The following CDIN1 variants were observed in gnomAD, a reference collection of about 807,000 sequenced individuals.
CDIN1 encodes CDAN1 interacting nuclease 1, also known as CDAN1-interacting nuclease 1.
A neutral mutation model predicts 45.3 loss-of-function variants in CDIN1; 33 were observed. The ratio of observed to expected loss-of-function variants is 0.73; its 90% CI spans 0.55 to 0.97. The LOEUF (loss-of-function observed/expected upper bound fraction) is 0.97, where lower values mean the gene tolerates loss of function less well. Among genes scored for constraint, CDIN1 ranks in the 50% least tolerant of loss-of-function variants. The pLI is 0.00. For synonymous variants in CDIN1, 118 were observed against 124.4 expected, an observed-to-expected ratio of 0.95 and a Z score of 0.34; for missense variants, 303 against 339.4, an observed-to-expected ratio of 0.89 and a Z score of 0.84.
intron 10 of CDIN1, among the ~76,000 whole-genome samples, chr15:36,774,801 A>G (rs921021252): frequency 6.6e-6 from 1 of 152,204 alleles, no homozygotes; most frequent in Non-Finnish European, 1.5e-5. Context: ...AAGAAAATAA[A>G]TCTGTCGCAT....
chr15:36,674,236 A>G (rs1270655662), intron 5 of CDIN1, among the ~76,000 whole-genome samples: 1 of 152,164 alleles, frequency 6.6e-6, no homozygotes, highest in Non-Finnish European at 1.5e-5. Flanking sequence ...TACAGCTGTG[A>G]TGAATGAGCA....
At chr15:36,689,700 C>G (rs1272426912) in intron 5 of CDIN1, among the ~76,000 whole-genome samples, 1 of 152,124 alleles carries the variant, frequency 6.6e-6, no homozygotes, top group Non-Finnish European at 1.5e-5. Context: ...AATACTATTG[C>G]TGCTGTAATC....
At chr15:36,738,039 C>T (rs977832488) in intron 10 of CDIN1, among the ~76,000 whole-genome samples, 1 of 152,162 alleles carries the variant, frequency 6.6e-6, no homozygotes, top group Non-Finnish European at 1.5e-5. Context: ...CGTAACCATT[C>T]CTTCTCAATC....
intron 1 of CDIN1, among the ~76,000 whole-genome samples, chr15:36,587,185 A>G (rs1317359319): frequency 6.6e-6 from 1 of 151,958 alleles, no homozygotes; most frequent in Non-Finnish European, 1.5e-5. Context: ...TGTTTTCCAC[A>G]TTTTGAAGCA....
chr15:36,688,174 A>C (rs964006759), intron 5 of CDIN1, among the ~76,000 whole-genome samples: 1 of 152,102 alleles, frequency 6.6e-6, no homozygotes, highest in Non-Finnish European at 1.5e-5. Context: ...AAGAAATGGT[A>C]CAGTAAAGAG....
chr15:36,613,384 G>A, intron 1 of CDIN1: 1 of 948,466 alleles, frequency 1.1e-6, no homozygotes. Context: ...AGGATTCCTT[G>A]TCTTAAGAAC....
chr15:36,725,542 G>A (rs150707932), intron 10 of CDIN1, among the ~76,000 whole-genome samples: 1,787 of 152,190 alleles, frequency 0.012, 29 homozygotes, highest in Middle Eastern at 0.041. Flanking sequence ...TCAGAAGTTT[G>A]AGGATTACTT....
intron 10 of CDIN1, among the ~76,000 whole-genome samples, chr15:36,740,084 T>C (rs2044176641): frequency 6.6e-6 from 1 of 152,218 alleles, no homozygotes; most frequent in Admixed American, 6.5e-5. Flanking sequence ...GGTTGAATAA[T>C]TTTGGAAAAT....
intron 10 of CDIN1, among the ~76,000 whole-genome samples, chr15:36,766,975 C>T (rs548725958): frequency 6.6e-6 from 1 of 152,118 alleles, no homozygotes; most frequent in Admixed American, 6.5e-5. Flanking sequence ...CTTTTGTTAC[C>T]TGTGCTTTTG....
chr15:36,674,193 G>A (rs1247883898), intron 5 of CDIN1, among the ~76,000 whole-genome samples: 1 of 152,134 alleles, frequency 6.6e-6, no homozygotes, highest in Admixed American at 6.6e-5. Flanking sequence ...CAGTGTTTGC[G>A]CAGGACGGCG....
chr15:36,595,744 A>G (rs1294429402), intron 1 of CDIN1, among the ~76,000 whole-genome samples: 1 of 152,226 alleles, frequency 6.6e-6, no homozygotes. Context: ...ATCATTTGTT[A>G]GCATACGCTG....
intron 10 of CDIN1, among the ~76,000 whole-genome samples, chr15:36,719,376 G>T (rs931793067): frequency 6.6e-6 from 1 of 152,064 alleles, no homozygotes; most frequent in Non-Finnish European, 1.5e-5. Context: ...CATCTATTAC[G>T]ATGATCATAT....
At chr15:36,622,106 T>C (rs539267351) in intron 1 of CDIN1, among the ~76,000 whole-genome samples, 1 of 152,368 alleles carries the variant, frequency 6.6e-6, no homozygotes, top group East Asian at 1.9e-4. Context: ...CTTTTCAAAG[T>C]AAAGTGTTTG....
chr15:36,595,290 T>TTATAA (rs36228170), intron 1 of CDIN1, among the ~76,000 whole-genome samples: 23,638 of 141,236 alleles, frequency 0.17, 2,252 homozygotes, highest in Admixed American at 0.23. Flanking sequence ...TACACTTACA[T>TTATAA]TATAATATAA....
At chr15:36,696,648 C>T (rs2140748260) in intron 7 of CDIN1, 2 of 152,300 alleles carry the variant, frequency 1.3e-5, no homozygotes, top group Admixed American at 1.3e-4. Flanking sequence ...TCAAGTGATC[C>T]TTCCACCTCG....
chr15:36,641,485 T>A (rs140409825), intron 1 of CDIN1: 4 of 152,344 alleles, frequency 2.6e-5, no homozygotes, highest in African/African-American at 9.6e-5. Context: ...CCCAGACAGC[T>A]GTAGGGTGCG....
At position 36,604,435 on chromosome 15, in the gene CDIN1, A is replaced by G. The variant is rs960768475; in HGVS notation, c.101+24474A>G. Among the ~76,000 whole-genome samples, 12 of 151,326 alleles carry G rather than the reference A, an allele frequency of 7.9e-5. No homozygotes were observed. In the South Asian group the frequency reaches 1.7e-3, roughly 21 times the overall value. ...TTAAAAGGTACACACACACACACAC[A>G]CACACACACACACACACACACATTT... is the stretch of plus-strand genomic sequence containing the variant. On this transcript the variant is annotated intron_variant, in intron 1 of 10. Coordinates refer to ENST00000566621, the MANE Select transcript of CDIN1 (RefSeq NM_001321759.2).
chr15:36,746,295 G>A (rs992329423), intron 10 of CDIN1, among the ~76,000 whole-genome samples: 5 of 152,104 alleles, frequency 3.3e-5, no homozygotes, highest in African/African-American at 1.2e-4. Context: ...AGAGAAAGAG[G>A]AAGGAGGCCA....
chr15:36,743,138 T>A (rs1314442445), intron 10 of CDIN1, among the ~76,000 whole-genome samples: 2 of 152,112 alleles, frequency 1.3e-5, no homozygotes, highest in African/African-American at 4.8e-5. Context: ...ATTGGAGAAG[T>A]AAGACGAGCC....
Sources: allele counts gnomAD v4.1 joint callset (sites outside exome capture counted in the v4.1 genomes callset), GRCh38; gene constraint gnomAD v4.1.1; transcripts MANE v1.5; gene names NCBI Gene and HGNC (gene_info 2026-07-23, HGNC 2026-07-21).